CIMIP2C: variants seen among roughly 807,000 people sequenced by gnomAD.
The protein encoded by CIMIP2C is UPF0573 protein C2orf70.
the CIMIP2C span, chr2:26,577,672 C>A: frequency 1.4e-6 from 2 of 1,433,378 alleles, no homozygotes; most frequent in South Asian, 1.2e-5. Context: ...AAGAAACGCA[C>A]CCATGGGGCA....
the CIMIP2C span, among the ~76,000 whole-genome samples, chr2:26,574,251 A>G: frequency 6.6e-6 from 1 of 152,224 alleles, no homozygotes; most frequent in African/African-American, 2.4e-5. Flanking sequence ...ACTCTGGACT[A>G]AAGTTCAGTC....
At chr2:26,572,041 G>T in the CIMIP2C span, 1 of 1,482,032 alleles carries the variant, frequency 6.7e-7, no homozygotes, top group Admixed American at 2.3e-5. Context: ...ATAGGAGAGA[G>T]AGAGAGGATA....
At chr2:26,577,499 C>T in the CIMIP2C span, 2 of 1,608,846 alleles carry the variant, frequency 1.2e-6, no homozygotes, top group Non-Finnish European at 1.7e-6. Flanking sequence ...GTCATCTCTT[C>T]CTTGATTGAA....
At chr2:26,565,427 G>GCCCAAAGTCATTCAGCAAGTTGCCCAAA in the CIMIP2C span, among the ~76,000 whole-genome samples, 1 of 152,166 alleles carries the variant, frequency 6.6e-6, no homozygotes, top group Admixed American at 6.5e-5. Flanking sequence ...TAACCCAGAT[G>GCCCAAAGTCATTCAGCAAGTTGCCCAAA]AGGAATGAGC....
At chr2:26,577,493 T>G in the CIMIP2C span, 2 of 1,604,398 alleles carry the variant, frequency 1.2e-6, no homozygotes, top group Non-Finnish European at 1.7e-6. Context: ...CAACCTGTCA[T>G]CTCTTCCTTG....
the CIMIP2C span, chr2:26,562,703 G>C: frequency 9.0e-6 from 14 of 1,556,172 alleles, no homozygotes; most frequent in Middle Eastern, 3.3e-4. Flanking sequence ...CCGAGGGAGC[G>C]CCTCCTCCCC....
At chr2:26,577,380 ACTCCGGGACTC>A in the CIMIP2C span, 1 of 757,852 alleles carries the variant, frequency 1.3e-6, no homozygotes, top group Non-Finnish European at 2.1e-6. Flanking sequence ...GGCCCCAGCA[ACTCCGGGACTC>A]CTCCGGGGGC....
At chr2:26,577,742 C>A in the CIMIP2C span, 1 of 763,764 alleles carries the variant, frequency 1.3e-6, no homozygotes, top group Non-Finnish European at 2.2e-6. Context: ...GGATCTTGCC[C>A]TAAAACGTGC....
At chr2:26,571,670 AC>A in the CIMIP2C span, among the ~76,000 whole-genome samples, 1 of 151,924 alleles carries the variant, frequency 6.6e-6, no homozygotes, top group Non-Finnish European at 1.5e-5. Context: ...AAATCCAAAC[AC>A]CCTGAATTAT....
the CIMIP2C span, among the ~76,000 whole-genome samples, chr2:26,573,575 G>C: frequency 6.6e-6 from 1 of 152,260 alleles, no homozygotes; most frequent in African/African-American, 2.4e-5. Flanking sequence ...AAGCGGCCAA[G>C]GTGACCACAC....
At chr2:26,568,008 T>C in the CIMIP2C span, among the ~76,000 whole-genome samples, 6 of 152,194 alleles carry the variant, frequency 3.9e-5, no homozygotes, top group Admixed American at 6.5e-5. Flanking sequence ...TGTGAAGCCT[T>C]CTACCTGTGC....
At chr2:26,579,131 G>C in the CIMIP2C span, 1 of 712,512 alleles carries the variant, frequency 1.4e-6, no homozygotes, top group African/African-American at 1.8e-5. Context: ...GTAAATACAG[G>C]TTATTCCCAC....
At chr2:26,562,607 C>T in the CIMIP2C span, 4 of 1,573,936 alleles carry the variant, frequency 2.5e-6, no homozygotes, top group Non-Finnish European at 3.4e-6. Flanking sequence ...TACTCGCGCA[C>T]CCACCATGGC....
the CIMIP2C span, among the ~76,000 whole-genome samples, chr2:26,571,050 G>A: frequency 1.6e-4 from 24 of 152,276 alleles, no homozygotes; most frequent in African/African-American, 5.1e-4. Context: ...CAGTGGCGCT[G>A]AGTCTGTGGC....
the CIMIP2C span, chr2:26,578,663 T>C: frequency 6.7e-6 from 3 of 449,360 alleles, no homozygotes; most frequent in Non-Finnish European, 1.4e-5. Flanking sequence ...CCCTAGAGTA[T>C]AGTGGGACTC....
At chr2:26,578,349 C>G in the CIMIP2C span, 3 of 175,696 alleles carry the variant, frequency 1.7e-5, no homozygotes, top group Non-Finnish European at 3.6e-5. Flanking sequence ...ATGCCAACCA[C>G]TCCCGGCTTG....
the CIMIP2C span, chr2:26,579,037 A>G: frequency 1.8e-6 from 1 of 554,304 alleles, no homozygotes; most frequent in Non-Finnish European, 3.4e-6. Flanking sequence ...TTAAATATGC[A>G]CACTTCTAGC....
chr2:26,577,806 G>T, the CIMIP2C span: 1 of 544,316 alleles, frequency 1.8e-6, no homozygotes, highest in Non-Finnish European at 3.2e-6. Flanking sequence ...GGCAGCCTCA[G>T]GGGGGATGGT....
chr2:26,579,141 C>T, the CIMIP2C span: 1 of 782,720 alleles, frequency 1.3e-6, no homozygotes, highest in Non-Finnish European at 2.0e-6. Flanking sequence ...GTTATTCCCA[C>T]CCCAAGTCCA....
Sources: allele counts gnomAD v4.1 joint callset (sites outside exome capture counted in the v4.1 genomes callset), GRCh38; gene constraint gnomAD v4.1.1; transcripts MANE v1.5; gene names NCBI Gene and HGNC (gene_info 2026-07-23, HGNC 2026-07-21).